BMP8A: variants seen among roughly 807,000 people sequenced by gnomAD.
BMP8A encodes bone morphogenetic protein 8a.
In BMP8A, 14 loss-of-function variants were observed where a neutral mutation model predicts 36.8. That is an observed-to-expected ratio of 0.38 (90% CI 0.25 to 0.60). The LOEUF is 0.60. Ranked by LOEUF, BMP8A falls within the 20% of genes least tolerant of loss-of-function variation. The pLI is 0.63. For synonymous variants in BMP8A, 120 were observed against 237.7 expected, an observed-to-expected ratio of 0.50 and a Z score of 4.55; for missense variants, 267 against 551.1, an observed-to-expected ratio of 0.48 and a Z score of 5.16.
chr1:39,505,048 G>A (rs764877718), intron 1 of BMP8A, among the ~76,000 whole-genome samples: 4 of 152,104 alleles, frequency 2.6e-5, no homozygotes, highest in Non-Finnish European at 5.9e-5. Context: ...ATGTCCAATC[G>A]GGTTTTACAC....
intron 1 of BMP8A, among the ~76,000 whole-genome samples, chr1:39,503,109 T>G (rs1252506236): frequency 6.6e-6 from 1 of 152,100 alleles, no homozygotes; most frequent in Non-Finnish European, 1.5e-5. Context: ...TTCAAAAGAA[T>G]TCCAGTTAAT....
intron 1 of BMP8A, among the ~76,000 whole-genome samples, chr1:39,503,615 A>G (rs954143605): frequency 6.8e-6 from 1 of 147,208 alleles, no homozygotes; most frequent in Admixed American, 7.1e-5. Flanking sequence ...CCCAGGTTCA[A>G]GTGATTCCCC....
At chr1:39,495,083 G>T (rs1475143639) in intron 1 of BMP8A, among the ~76,000 whole-genome samples, 1 of 152,186 alleles carries the variant, frequency 6.6e-6, no homozygotes, top group Non-Finnish European at 1.5e-5. Flanking sequence ...GCCCCTGAAG[G>T]TTGGTGGCCC....
In BMP8A at chr1:39,525,518, A is replaced by T. The variant is rs1442915011; in HGVS notation, c.1060-131A>T. On this transcript the variant is annotated intron_variant, in intron 6 of 6. Coordinates refer to ENST00000331593, the MANE Select transcript of BMP8A (RefSeq NM_181809.4). ...GCTCTTATTCCTGTTAATAATTCTTATTATTGTGCTGCTCCCATGTGGCTT... is the reference window on the plus strand; with the variant it reads ...GCTCTTATTCCTGTTAATAATTCTTTTTATTGTGCTGCTCCCATGTGGCTT... The T allele has an allele frequency of 2.4e-6, 3 of 1,245,994 alleles. No homozygotes were observed. The South Asian group carries it at 4.5e-5, about 19-fold the overall frequency. 77.2% of individuals were successfully genotyped at this position (1,245,994 alleles called of 1,614,324 possible).
At chr1:39,514,800 C>G (rs1239331450) in intron 3 of BMP8A, among the ~76,000 whole-genome samples, 3 of 152,200 alleles carry the variant, frequency 2.0e-5, no homozygotes, top group Admixed American at 2.0e-4. Flanking sequence ...CTCCCTGTTG[C>G]GGGTCGCGGG....
chr1:39,508,265 GAAAA>G (rs1382376536), intron 1 of BMP8A, among the ~76,000 whole-genome samples: 1 of 143,982 alleles, frequency 6.9e-6, no homozygotes, highest in Non-Finnish European at 1.5e-5. Flanking sequence ...AAAAAAAAAA[GAAAA>G]AAGAAAAAAA....
chr1:39,509,697 G>A (rs531616473), intron 1 of BMP8A, among the ~76,000 whole-genome samples: 42 of 152,284 alleles, frequency 2.8e-4, no homozygotes, highest in African/African-American at 8.9e-4. Flanking sequence ...CCCCACATCC[G>A]CCTCGGCCCG....
At chr1:39,492,407 C>G (rs1237055232) in intron 1 of BMP8A, 82 bp downstream of exon 1, 22 of 1,405,526 alleles carry the variant, frequency 1.6e-5, no homozygotes, top group Non-Finnish European at 2.0e-5. Context: ...GGTGCCGGGC[C>G]CTGGCCGAAC....
chr1:39,502,906 C>A (rs937276555), intron 1 of BMP8A, among the ~76,000 whole-genome samples: 2 of 152,046 alleles, frequency 1.3e-5, no homozygotes, highest in African/African-American at 4.8e-5. Context: ...ATTAGCCATG[C>A]GTAGTGGTAC....
intron 6 of BMP8A, chr1:39,523,419 C>G: frequency 9.1e-7 from 1 of 1,102,606 alleles, no homozygotes; most frequent in Non-Finnish European, 1.2e-6. Flanking sequence ...GTGCGGCGCT[C>G]AGAGGCACAG....
At chr1:39,517,318 A>T (rs981028440) in intron 3 of BMP8A, among the ~76,000 whole-genome samples, 1 of 149,524 alleles carries the variant, frequency 6.7e-6, no homozygotes, top group African/African-American at 2.5e-5. Flanking sequence ...GCTTACTGTA[A>T]TTTTTTTTTC....
chr1:39,526,041 T>C lies in BMP8A; in HGVS notation c.*243T>C. On this transcript the variant is annotated 3_prime_UTR_variant, in exon 7 of 7. Transcript: ENST00000331593. ...AGGCACACAGCAGCCTCAGAGCCTG[T>C]GCTGACTGCACTGTCTGGAGTCAGC... is the stretch of plus-strand genomic sequence containing the variant. 2 of 611,594 alleles carry C rather than the reference T, an allele frequency of 3.3e-6. No individual in the cohort carries two copies. The highest frequency in any genetic ancestry group is 4.1e-5 in the South Asian group (2 of 49,334). 37.9% of individuals were successfully genotyped at this position (611,594 alleles called of 1,614,324 possible). A position where few individuals can be genotyped will look rare whatever the true frequency, so the allele number is the denominator to read the frequency against.
intron 6 of BMP8A, chr1:39,525,264 GA>G: frequency 5.2e-6 from 1 of 193,836 alleles, no homozygotes; most frequent in East Asian, 2.6e-4. Context: ...AGGGCTATAA[GA>G]AGACAGTGGT....
intron 3 of BMP8A, among the ~76,000 whole-genome samples, chr1:39,512,652 TG>T (rs1645365620): frequency 7.5e-6 from 1 of 132,922 alleles, no homozygotes; most frequent in African/African-American, 2.8e-5. Flanking sequence ...GGACAGGGCG[TG>T]GGGGACCTGA....
At chr1:39,507,644 C>T (rs1226522959) in intron 1 of BMP8A, among the ~76,000 whole-genome samples, 1 of 152,128 alleles carries the variant, frequency 6.6e-6, no homozygotes, top group Non-Finnish European at 1.5e-5. Context: ...GAGGTGCTGC[C>T]GCTCAGCCAG....
At chr1:39,513,268 CTG>C in intron 3 of BMP8A, among the ~76,000 whole-genome samples, 1 of 86,412 alleles carries the variant, frequency 1.2e-5, no homozygotes, top group South Asian at 4.6e-4. Flanking sequence ...ACCTTAGCCT[CTG>C]TACTATCTTT....
At chr1:39,525,614 C>T in intron 6 of BMP8A, 35 bp from the exon 7 acceptor site, 1 of 1,610,410 alleles carries the variant, frequency 6.2e-7, no homozygotes. Context: ...AGGCCACTGG[C>T]CTCATGCCCC....
At position 39,522,469 on chromosome 1, in the gene BMP8A, A is replaced by T; in HGVS notation, c.935A>T (p.Asp312Val). The change falls in exon 5 of 7, where the codon GAC becomes GTC. Residue 312 changes from aspartate to valine, a missense_variant. This residue lies in a region of BMP8A where 132 missense variants were observed against 151.3 expected (regional missense o/e 0.87). Coordinates refer to ENST00000331593, the MANE Select transcript of BMP8A (RefSeq NM_181809.4). ...CACGAGCTCTACGTCAGCTTCCAGG[A>T]CCTTGGCTGGCTGGTAATTGCTGAC... ...RRHELYVSFQ[D>V]LGWLDWVIAP... The T allele has an allele frequency of 6.2e-7, 1 of 1,613,706 alleles. No individual in the cohort carries two copies. Among genetic ancestry groups the T allele is most frequent in the Non-Finnish European group, 8.5e-7 (1 of 1,179,832 alleles).
At chr1:39,494,762 C>T (rs935597486) in intron 1 of BMP8A, among the ~76,000 whole-genome samples, 20 of 152,312 alleles carry the variant, frequency 1.3e-4, no homozygotes, top group African/African-American at 4.1e-4. Context: ...CCCAGGGCCA[C>T]ACAGCACATC....
Sources: gnomAD v4.1 joint callset for allele counts (sites outside exome capture counted in the v4.1 genomes callset) on GRCh38, gnomAD v4.1.1 for gene constraint, gnomAD v4.1.1 regional missense constraint, MANE v1.5 for transcripts, NCBI Gene and HGNC (gene_info 2026-07-23, HGNC 2026-07-21) for gene names.